The following PRKN variants were observed in gnomAD, a reference collection of about 807,000 sequenced individuals.
PRKN encodes E3 ubiquitin-protein ligase parkin.
PRKN carries 56 observed loss-of-function variants against 59.5 expected under a neutral mutation model. The observed-to-expected ratio is 0.94, with a 90% CI of 0.76 to 1.18. PRKN has a LOEUF of 1.18. PRKN is among the 50% of genes most tolerant of loss of function. The pLI is 0.00. For synonymous variants in PRKN, 250 were observed against 222.1 expected, an observed-to-expected ratio of 1.13 and a Z score of -1.12; for missense variants, 657 against 596.4, an observed-to-expected ratio of 1.10 and a Z score of -1.06.
intron 7 of PRKN, among the ~76,000 whole-genome samples, chr6:161,777,900 A>T (rs113551390): frequency 8.2e-6 from 1 of 121,956 alleles, no homozygotes; most frequent in Admixed American, 8.1e-5. Flanking sequence ...ATATGTATAC[A>T]TATATATGTG....
intron 4 of PRKN, among the ~76,000 whole-genome samples, chr6:162,162,806 G>A (rs568435454): frequency 0.035 from 4,799 of 137,478 alleles, 121 homozygotes; most frequent in Middle Eastern, 0.064. Flanking sequence ...TAAGGAGTTC[G>A]AGACCAGCCT....
chr6:162,144,197 C>T (rs1321917767), intron 4 of PRKN, among the ~76,000 whole-genome samples: 1 of 152,124 alleles, frequency 6.6e-6, no homozygotes, highest in Non-Finnish European at 1.5e-5. Flanking sequence ...ACAAAGCGCA[C>T]TTGGAGAGAA....
At chr6:162,139,795 G>A (rs1781701845) in intron 4 of PRKN, among the ~76,000 whole-genome samples, 1 of 151,730 alleles carries the variant, frequency 6.6e-6, no homozygotes, top group Non-Finnish European at 1.5e-5. Context: ...CAGTTGATCT[G>A]AAATGGCCCA....
At chr6:162,214,806 G>C (rs1451862439) in intron 3 of PRKN, among the ~76,000 whole-genome samples, 1 of 152,090 alleles carries the variant, frequency 6.6e-6, no homozygotes. Flanking sequence ...TTCATTAAAA[G>C]ATTAAATAAA....
At chr6:162,079,412 C>T (rs925636726) in intron 4 of PRKN, among the ~76,000 whole-genome samples, 1 of 152,076 alleles carries the variant, frequency 6.6e-6, no homozygotes, top group African/African-American at 2.4e-5. Context: ...TTTCTATACC[C>T]AAAGCCAGCA....
intron 1 of PRKN, among the ~76,000 whole-genome samples, chr6:162,469,349 C>CGGGGGGGGGGGG (rs1562787728): frequency 1.7e-5 from 1 of 57,790 alleles, no homozygotes; most frequent in Non-Finnish European, 3.3e-5. Context: ...GGGGGGGTTG[C>CGGGGGGGGGGGG]AGGGGGGGGT....
At chr6:161,682,797 A>G (rs1582999550) in intron 7 of PRKN, among the ~76,000 whole-genome samples, 2 of 152,116 alleles carry the variant, frequency 1.3e-5, no homozygotes, top group African/African-American at 4.8e-5. Flanking sequence ...TGGCCACAGC[A>G]TGAAGAACCA....
chr6:162,136,280 T>A (rs562659908), intron 4 of PRKN, among the ~76,000 whole-genome samples: 32 of 152,216 alleles, frequency 2.1e-4, no homozygotes, highest in African/African-American at 7.5e-4. Context: ...TCCCCTTTAG[T>A]AGGATTCACT....
intron 9 of PRKN, among the ~76,000 whole-genome samples, chr6:161,514,886 C>A (rs550441181): frequency 6.6e-5 from 10 of 152,254 alleles, no homozygotes; most frequent in African/African-American, 2.4e-4. Flanking sequence ...GTGCCTACTA[C>A]GGAGTCCTCT....
chr6:162,459,681 G>C (rs981426573), intron 1 of PRKN, among the ~76,000 whole-genome samples: 2 of 152,130 alleles, frequency 1.3e-5, no homozygotes, highest in African/African-American at 2.4e-5. Context: ...GTTGTTATAA[G>C]TATGAAATGT....
At chr6:161,532,944 A>G (rs990462456) in intron 9 of PRKN, among the ~76,000 whole-genome samples, 4 of 152,220 alleles carry the variant, frequency 2.6e-5, no homozygotes, top group Non-Finnish European at 1.5e-5. Context: ...GTTGGATACC[A>G]TGGTGGATGC....
intron 4 of PRKN, among the ~76,000 whole-genome samples, chr6:162,163,106 CCTT>C (rs1195269397): frequency 1.3e-5 from 2 of 149,256 alleles, no homozygotes; most frequent in East Asian, 1.9e-4. Context: ...AAGCTGAATA[CCTT>C]CTTAACAATT....
At chr6:161,926,032 T>C (rs1778956302) in intron 6 of PRKN, among the ~76,000 whole-genome samples, 1 of 152,202 alleles carries the variant, frequency 6.6e-6, no homozygotes, top group Non-Finnish European at 1.5e-5. Context: ...ACCACTCAGC[T>C]AGTAAACGGT....
chr6:161,994,231 C>CATG (rs1376578350), intron 5 of PRKN, among the ~76,000 whole-genome samples: 7 of 143,662 alleles, frequency 4.9e-5, no homozygotes, highest in Admixed American at 2.8e-4. Context: ...CATATAGAAG[C>CATG]ATGGTGTGCA....
In PRKN at chr6:161,436,687, G is replaced by T. The variant is rs78832147; in HGVS notation, c.1084-49810C>A. ...CCTGCTCTGACCTCATCCCTTCCGG[G>T]GGATGACTCTTATTATCCTGGTTGG... On this transcript the variant is annotated intron_variant, in intron 9 of 11. Transcript: ENST00000366898. Among the ~76,000 whole-genome samples, 1,204 of 152,060 alleles carry T rather than the reference G, an allele frequency of 7.9e-3. 13 individuals are homozygous for T. Among genetic ancestry groups the T allele is most frequent in the East Asian group, 0.06 (309 of 5,164 alleles).
rs1185102094 is a variant in PRKN, at chr6:161,593,387, T to C, written c.872-23971A>G. Among the ~76,000 whole-genome samples the C allele has an allele frequency of 6.6e-6, 1 of 152,034 alleles. No individual in the cohort carries two copies. The highest frequency in any genetic ancestry group is 1.5e-5 in the Non-Finnish European group (1 of 67,988). ...AACCTGCCCAGTGTCACAAAACTAA[T>C]ATATGGTGAGGCTGGTTTCAAGCTA... On this transcript the variant is annotated intron_variant, in intron 7 of 11. Transcript: ENST00000366898. This position sits in a 1 kb window ranked among gnomAD's most constrained non-coding sequence, Gnocchi z 4.8.
rs919558671 is a variant in PRKN, at chr6:161,566,483, T to G, written c.933+2872A>C. ...GTGCATTGGCACGATATTGGCTCAC[T>G]GCAACCTCCGCCTCCCAGGCTCAAG... On this transcript the variant is annotated intron_variant, in intron 8 of 11. Coordinates refer to ENST00000366898, the MANE Select transcript of PRKN (RefSeq NM_004562.3). This position sits in a 1 kb window ranked among gnomAD's most constrained non-coding sequence, Gnocchi z 4.1. Among the ~76,000 whole-genome samples, 62 of 152,340 alleles carry G rather than the reference T, an allele frequency of 4.1e-4. No homozygotes were observed. The highest frequency in any genetic ancestry group is 1.3e-3 in the African/African-American group (53 of 41,584).
rs1201512501 is a variant in PRKN at position 161,445,025 on chromosome 6, C to A, written c.1084-58148G>T. ...GTTTTTTTAATCTCTAGGTAACCAA[C>A]CCCTGCCTACATTTTACTCTGGATT... On this transcript the variant is annotated intron_variant, in intron 9 of 11. Coordinates refer to ENST00000366898, the MANE Select transcript of PRKN (RefSeq NM_004562.3). This position sits in a 1 kb window ranked among gnomAD's most constrained non-coding sequence, Gnocchi z 7.7. Among the ~76,000 whole-genome samples the A allele has an allele frequency of 2.0e-5, 3 of 151,460 alleles. No individual in the cohort carries two copies. Among genetic ancestry groups the A allele is most frequent in the Non-Finnish European group, 4.4e-5 (3 of 68,010 alleles).
intron 1 of PRKN, among the ~76,000 whole-genome samples, chr6:162,472,988 T>G (rs1791833981): frequency 6.7e-6 from 1 of 148,662 alleles, no homozygotes; most frequent in Non-Finnish European, 1.5e-5. Flanking sequence ...AAGGAAAATA[T>G]TCTCATACTT....
Sources: allele counts gnomAD v4.1 joint callset (sites outside exome capture counted in the v4.1 genomes callset), GRCh38; gene constraint gnomAD v4.1.1; non-coding constraint Gnocchi (gnomAD v3.1); transcripts MANE v1.5; gene names NCBI Gene and HGNC (gene_info 2026-07-23, HGNC 2026-07-21).